Variants in NLGN1 observed in about 807,000 individuals in gnomAD.
NLGN1 encodes neuroligin-1.
Under a neutral mutation model 65.5 loss-of-function variants are expected in NLGN1, and 12 were observed. The observed-to-expected ratio is 0.18, with a 90% CI of 0.12 to 0.30. The LOEUF is 0.30. NLGN1 is among the 10% of genes least tolerant of loss of function. The probability of loss-of-function intolerance (pLI) is 1.00; values close to 1 mark genes in which losing one functional copy is unlikely to be tolerated. For missense variants in NLGN1, 750 were observed against 1,007.1 expected (o/e 0.74, Z 3.46); for synonymous variants, 350 against 359.5 (o/e 0.97, Z 0.30).
At chr3:173,900,568 G>T (rs1737157153) in intron 4 of NLGN1, among the ~76,000 whole-genome samples, 1 of 151,934 alleles carries the variant, frequency 6.6e-6, no homozygotes, top group African/African-American at 2.4e-5. Context: ...CTCCATCTCT[G>T]TTCTTTTTAG....
chr3:174,177,414 T>G (rs1372931040), intron 4 of NLGN1, among the ~76,000 whole-genome samples: 1 of 152,086 alleles, frequency 6.6e-6, no homozygotes, highest in Non-Finnish European at 1.5e-5. Flanking sequence ...ATTAATATTC[T>G]GATTAGAAGC....
intron 4 of NLGN1, among the ~76,000 whole-genome samples, chr3:173,906,506 C>T (rs1315903828): frequency 6.6e-6 from 1 of 152,126 alleles, no homozygotes; most frequent in Non-Finnish European, 1.5e-5. Context: ...CAGAGTAGCA[C>T]TGTGCTGCCG....
chr3:174,163,592 A>T (rs1420220305), intron 4 of NLGN1, among the ~76,000 whole-genome samples: 1 of 151,870 alleles, frequency 6.6e-6, no homozygotes, highest in Non-Finnish European at 1.5e-5. Context: ...CCTCCCCGCA[A>T]CTTCCAGCAG....
chr3:173,427,949 C>G (rs1427480666), intron 1 of NLGN1, among the ~76,000 whole-genome samples: 2 of 149,674 alleles, frequency 1.3e-5, no homozygotes, highest in Admixed American at 1.3e-4. Context: ...CTGTCTCTTT[C>G]TTTATATTTA....
At chr3:173,843,352 T>A (rs1436677107) in intron 4 of NLGN1, among the ~76,000 whole-genome samples, 1 of 152,250 alleles carries the variant, frequency 6.6e-6, no homozygotes, top group East Asian at 1.9e-4. Context: ...AGCTCCTGGT[T>A]ACTTATGCAA....
chr3:174,276,770 A>G (rs868756862), intron 5 of NLGN1, among the ~76,000 whole-genome samples: 1 of 151,956 alleles, frequency 6.6e-6, no homozygotes, highest in Non-Finnish European at 1.5e-5. Context: ...ACAGATGAAC[A>G]TTTCCAAGAG....
intron 3 of NLGN1, among the ~76,000 whole-genome samples, chr3:173,672,199 A>G (rs1374856805): frequency 6.6e-6 from 1 of 152,182 alleles, no homozygotes; most frequent in Non-Finnish European, 1.5e-5. Context: ...AAAATAAAAT[A>G]AAATAAAGAA....
chr3:173,672,412 G>A (rs1762568355), intron 3 of NLGN1, among the ~76,000 whole-genome samples: 1 of 152,164 alleles, frequency 6.6e-6, no homozygotes, highest in Non-Finnish European at 1.5e-5. Flanking sequence ...TTTGCATAAG[G>A]TTATTGTTTA....
chr3:173,747,577 ATCTTTTCCACAT>A (rs1412475266), intron 3 of NLGN1, among the ~76,000 whole-genome samples: 1 of 150,136 alleles, frequency 6.7e-6, no homozygotes, highest in African/African-American at 2.4e-5. Context: ...TTTCTTCGCA[ATCTTTTCCACAT>A]TCTTTAAGAG....
intron 3 of NLGN1, among the ~76,000 whole-genome samples, chr3:173,736,097 T>C (rs1773693592): frequency 6.6e-6 from 1 of 152,026 alleles, no homozygotes; most frequent in Admixed American, 6.6e-5. Flanking sequence ...AGGAAGTGGA[T>C]GCCCTAGGTT....
chr3:173,778,883 A>G (rs1467473179), intron 3 of NLGN1, among the ~76,000 whole-genome samples: 1 of 151,660 alleles, frequency 6.6e-6, no homozygotes, highest in Non-Finnish European at 1.5e-5. Flanking sequence ...TTGTGATATC[A>G]TTTAACTAAC....
chr3:173,766,625 A>T (rs557849649), intron 3 of NLGN1, among the ~76,000 whole-genome samples: 1 of 152,244 alleles, frequency 6.6e-6, no homozygotes, highest in South Asian at 2.1e-4. Context: ...AAGATTGGAA[A>T]CAGGACGAGG....
At chr3:173,632,843 T>G (rs912031970) in intron 3 of NLGN1, among the ~76,000 whole-genome samples, 4 of 85,916 alleles carry the variant, frequency 4.7e-5, no homozygotes, top group African/African-American at 9.3e-5. Context: ...TAGTGTTTTT[T>G]TTTTTGTTTT....
intron 2 of NLGN1, among the ~76,000 whole-genome samples, chr3:173,460,051 AT>A (rs1043772546): frequency 1.3e-5 from 2 of 152,090 alleles, no homozygotes; most frequent in Admixed American, 1.3e-4. Context: ...AAAAATCAAT[AT>A]TTTTTAATTA....
chr3:173,507,421 A>G (rs1732212313), intron 2 of NLGN1, among the ~76,000 whole-genome samples: 1 of 152,122 alleles, frequency 6.6e-6, no homozygotes. Flanking sequence ...TGGAATGGAA[A>G]TTTTCATTTC....
rs116021899 is a variant in NLGN1, at chr3:174,133,233, C to T, written c.647-142082C>T. Reference sequence around the variant, plus strand: ...AAATGTAAAACCAAAGAAAAAGTAACCAAGAAGTTAAAACCTTCACATGCC... The same window carrying T: ...AAATGTAAAACCAAAGAAAAAGTAATCAAGAAGTTAAAACCTTCACATGCC... On this transcript the variant is annotated intron_variant, in intron 4 of 6. Transcript: ENST00000457714. Among the ~76,000 whole-genome samples the T allele has an allele frequency of 9.4e-3, 1,426 of 152,256 alleles. 24 individuals carry two copies. Among genetic ancestry groups the T allele is most frequent in the African/African-American group, 0.032 (1,346 of 41,558 alleles).
chr3:174,110,666 C>G (rs886776273), intron 4 of NLGN1, among the ~76,000 whole-genome samples: 12 of 151,914 alleles, frequency 7.9e-5, no homozygotes, highest in Non-Finnish European at 1.5e-5. Flanking sequence ...CGTTAAAGGA[C>G]ATTTGCTTGA....
chr3:174,128,579 T>A (rs1719465490), intron 4 of NLGN1, among the ~76,000 whole-genome samples: 1 of 152,180 alleles, frequency 6.6e-6, no homozygotes, highest in Non-Finnish European at 1.5e-5. Flanking sequence ...TACTGACCCA[T>A]TTTAAAAGCA....
At chr3:173,870,780 G>A (rs1444273352) in intron 4 of NLGN1, among the ~76,000 whole-genome samples, 2 of 152,144 alleles carry the variant, frequency 1.3e-5, no homozygotes, top group South Asian at 2.1e-4. Flanking sequence ...TACCTGTTTG[G>A]TCTCTGCCTC....
Sources: allele counts gnomAD v4.1 joint callset (sites outside exome capture counted in the v4.1 genomes callset), GRCh38; gene constraint gnomAD v4.1.1; transcripts MANE v1.5; gene names NCBI Gene and HGNC (gene_info 2026-07-23, HGNC 2026-07-21).